The following ADCY2 variants were observed in gnomAD, a reference collection of about 807,000 sequenced individuals.
ADCY2 encodes the protein adenylate cyclase type 2.
In ADCY2, 31 loss-of-function variants were observed where a neutral mutation model predicts 125.2. That is an observed-to-expected ratio of 0.25 (90% CI 0.19 to 0.33). The LOEUF (loss-of-function observed/expected upper bound fraction) is 0.33, where lower values mean the gene tolerates loss of function less well. ADCY2 is among the 10% of genes least tolerant of loss of function. ADCY2 has a pLI of 1.00. For synonymous variants in ADCY2, 512 were observed against 548.4 expected, an observed-to-expected ratio of 0.93 and a Z score of 0.93; for missense variants, 904 against 1,418.2, an observed-to-expected ratio of 0.64 and a Z score of 5.82.
intron 2 of ADCY2, among the ~76,000 whole-genome samples, chr5:7,499,675 ATATATATG>A (rs1339672453): frequency 2.3e-5 from 3 of 132,242 alleles, no homozygotes; most frequent in African/African-American, 8.2e-5. Context: ...ATATATATAT[ATATATATG>A]TATATATATG....
At chr5:7,535,380 C>A (rs1359332077) in intron 3 of ADCY2, among the ~76,000 whole-genome samples, 1 of 152,180 alleles carries the variant, frequency 6.6e-6, no homozygotes, top group Non-Finnish European at 1.5e-5. Context: ...TTGACTAAAT[C>A]TAGAGTGTTT....
chr5:7,636,569 G>T (rs551746798), intron 4 of ADCY2, among the ~76,000 whole-genome samples: 31 of 152,312 alleles, frequency 2.0e-4, no homozygotes, highest in African/African-American at 7.2e-4. Context: ...AGGTAGGGGG[G>T]ATGGAAACTG....
At chr5:7,651,905 C>T (rs533671722) in intron 4 of ADCY2, among the ~76,000 whole-genome samples, 11 of 152,178 alleles carry the variant, frequency 7.2e-5, no homozygotes, top group African/African-American at 1.7e-4. Context: ...TGGGTTCAAG[C>T]GATTCTCCTG....
intron 3 of ADCY2, among the ~76,000 whole-genome samples, chr5:7,579,765 A>G (rs1408986166): frequency 6.6e-6 from 1 of 152,378 alleles, no homozygotes; most frequent in East Asian, 1.9e-4. Context: ...AAAAGAGACA[A>G]TCAGTGGAAA....
intron 14 of ADCY2, among the ~76,000 whole-genome samples, chr5:7,741,907 C>A (rs1311225420): frequency 1.0e-4 from 1 of 9,810 alleles, no homozygotes; most frequent in Admixed American, 1.8e-3. Flanking sequence ...CACTGTATCA[C>A]CTGTTATCAT....
chr5:7,519,962 C>T (rs541523614), intron 2 of ADCY2, among the ~76,000 whole-genome samples: 9 of 152,114 alleles, frequency 5.9e-5, no homozygotes, highest in Non-Finnish European at 1.2e-4. Flanking sequence ...TTGAGGTTCC[C>T]CTGTATGGTA....
At chr5:7,603,677 G>GT (rs1172272100) in intron 3 of ADCY2, among the ~76,000 whole-genome samples, 2 of 150,408 alleles carry the variant, frequency 1.3e-5, no homozygotes, top group Non-Finnish European at 3.0e-5. Context: ...TCTAATAACT[G>GT]GTGTTACTGG....
chr5:7,693,797 C>G (rs1037758991), intron 5 of ADCY2, among the ~76,000 whole-genome samples: 1 of 152,232 alleles, frequency 6.6e-6, no homozygotes. Flanking sequence ...GGCAGCCTAT[C>G]TCAGAGCTGC....
intron 3 of ADCY2, among the ~76,000 whole-genome samples, chr5:7,547,634 G>A (rs74946888): frequency 0.014 from 2,073 of 152,242 alleles, 42 homozygotes; most frequent in African/African-American, 0.047. Flanking sequence ...TATCAATGGC[G>A]TGCCTGGCAT....
At chr5:7,770,448 C>T (rs1743520073) in intron 17 of ADCY2, among the ~76,000 whole-genome samples, 1 of 152,160 alleles carries the variant, frequency 6.6e-6, no homozygotes, top group Non-Finnish European at 1.5e-5. Flanking sequence ...GGTTTTCAAG[C>T]ATAATTTTAG....
At chr5:7,503,930 G>C (rs951168387) in intron 2 of ADCY2, among the ~76,000 whole-genome samples, 1 of 152,162 alleles carries the variant, frequency 6.6e-6, no homozygotes, top group East Asian at 1.9e-4. Flanking sequence ...GCTTTTTCGA[G>C]AGCAGCAGAC....
Position 7,626,259 on chromosome 5 carries a change from G to A in ADCY2, c.663G>A (p.Gln221=), listed in dbSNP as rs760109082. The change falls in exon 4 of 25, where the codon CAG becomes CAA. Residue 221 remains glutamine, a synonymous_variant. Transcript: ENST00000338316. ...AACTCGCTCTTCAGCAAACATATCA[G>A]GACACCTGTAATTGCATCAAGTCGC... The part of the protein sequence containing the change: ...LMELALQQTY[Q]DTCNCIKSRI... 1.2e-6 allele frequency: 2 copies of A among 1,614,060 alleles called. No individual in the cohort carries two copies. The highest frequency in any genetic ancestry group is 2.2e-5 in the South Asian group (2 of 91,072).
chr5:7,727,751 TGTTATAGGTCAAG>T (rs1000062388), intron 14 of ADCY2, among the ~76,000 whole-genome samples: 4 of 151,972 alleles, frequency 2.6e-5, no homozygotes, highest in Admixed American at 1.3e-4. Flanking sequence ...CGTCTTTGAT[TGTTATAGGTCAAG>T]GTTCAGCCGA....
chr5:7,805,879 T>A (rs1254125456), intron 22 of ADCY2, among the ~76,000 whole-genome samples: 1 of 152,104 alleles, frequency 6.6e-6, no homozygotes, highest in East Asian at 1.9e-4. Flanking sequence ...TTAATTGGAG[T>A]GATATGTATT....
At chr5:7,527,635 T>A (rs1262693000) in intron 3 of ADCY2, among the ~76,000 whole-genome samples, 2 of 152,214 alleles carry the variant, frequency 1.3e-5, no homozygotes, top group Non-Finnish European at 2.9e-5. Context: ...ACAGGATTAC[T>A]TATATGTTAG....
Position 7,412,621 on chromosome 5 carries a change from G to A in ADCY2, c.211-1952G>A, listed in dbSNP as rs946959709. ...TTAATCGTGGCTAAAAATAGCAGTG[G>A]AGGGAGAGAAAAAGAACATCTCATT... On this transcript the variant is annotated intron_variant, in intron 1 of 24. Transcript: ENST00000338316. Among the ~76,000 whole-genome samples the A allele has an allele frequency of 2.6e-5, 4 of 152,246 alleles. No individual in the cohort carries two copies. In the East Asian group the frequency reaches 5.8e-4, roughly 22 times the overall value.
At chr5:7,723,309 T>A (rs1741823453) in intron 12 of ADCY2, among the ~76,000 whole-genome samples, 1 of 152,222 alleles carries the variant, frequency 6.6e-6, no homozygotes, top group Non-Finnish European at 1.5e-5. Context: ...GAAGTATTTT[T>A]ATTTTTCTCA....
chr5:7,528,954 C>T (rs1251377035), intron 3 of ADCY2, among the ~76,000 whole-genome samples: 1 of 152,218 alleles, frequency 6.6e-6, no homozygotes, highest in Admixed American at 6.5e-5. Flanking sequence ...GAGAGTCACA[C>T]AGGACAGACT....
chr5:7,417,373 G>T (rs1739995169), intron 2 of ADCY2, among the ~76,000 whole-genome samples: 1 of 152,034 alleles, frequency 6.6e-6, no homozygotes, highest in Non-Finnish European at 1.5e-5. Flanking sequence ...TCTGTTAGTT[G>T]ATCTGAGACT....
Sources: allele counts gnomAD v4.1 joint callset (sites outside exome capture counted in the v4.1 genomes callset), GRCh38; gene constraint gnomAD v4.1.1; transcripts MANE v1.5; gene names NCBI Gene and HGNC (gene_info 2026-07-23, HGNC 2026-07-21).